MACROD2: variants seen among roughly 807,000 people sequenced by gnomAD.
The protein encoded by MACROD2 is ADP-ribose glycohydrolase MACROD2.
A neutral mutation model predicts 70.4 loss-of-function variants in MACROD2; 36 were observed. The ratio of observed to expected loss-of-function variants is 0.51; its 90% CI spans 0.39 to 0.68. The LOEUF (loss-of-function observed/expected upper bound fraction) is 0.68. MACROD2 is among the 30% of genes least tolerant of loss of function. The pLI is 0.00. For missense variants in MACROD2, 496 were observed against 538.4 expected (o/e 0.92, Z 0.78); for synonymous variants, 172 against 178.8 (o/e 0.96, Z 0.30).
At chr20:14,469,733 TATC>T (rs1464116650) in intron 3 of MACROD2, among the ~76,000 whole-genome samples, 3 of 151,926 alleles carry the variant, frequency 2.0e-5, no homozygotes, top group Admixed American at 6.6e-5. Flanking sequence ...ATTGATAAGG[TATC>T]ATGCTTCACG....
At chr20:14,622,261 T>C (rs1399220747) in intron 4 of MACROD2, among the ~76,000 whole-genome samples, 2 of 152,092 alleles carry the variant, frequency 1.3e-5, no homozygotes, top group African/African-American at 4.8e-5. Flanking sequence ...AAGAAGTCCA[T>C]ATGCACTTTC....
intron 8 of MACROD2, among the ~76,000 whole-genome samples, chr20:15,832,317 T>C (rs1252556741): frequency 6.6e-6 from 1 of 152,200 alleles, no homozygotes; most frequent in Non-Finnish European, 1.5e-5. Flanking sequence ...TACTGTGATA[T>C]GCTGCCCAGA....
chr20:14,554,174 A>C (rs1978861366), intron 4 of MACROD2, among the ~76,000 whole-genome samples: 1 of 152,074 alleles, frequency 6.6e-6, no homozygotes, highest in Admixed American at 6.6e-5. Flanking sequence ...TCCTTTCTCA[A>C]AGGTTGCCTA....
intron 15 of MACROD2, among the ~76,000 whole-genome samples, chr20:16,015,730 C>T (rs376329274): frequency 7.9e-5 from 12 of 152,042 alleles, no homozygotes; most frequent in Middle Eastern, 3.4e-3. Flanking sequence ...GTTGACTAAA[C>T]TTTTTTGTTA....
intron 4 of MACROD2, among the ~76,000 whole-genome samples, chr20:14,529,747 TC>T (rs1257734149): frequency 6.6e-6 from 1 of 152,184 alleles, no homozygotes; most frequent in Non-Finnish European, 1.5e-5. Context: ...AGGGGCTAGG[TC>T]ATGTCTTTTT....
At chr20:15,438,442 T>G (rs1053997540) in intron 7 of MACROD2, among the ~76,000 whole-genome samples, 2 of 152,158 alleles carry the variant, frequency 1.3e-5, no homozygotes, top group Non-Finnish European at 2.9e-5. Context: ...TGCATTGAGC[T>G]TTTTTTCATT....
chr20:14,876,121 C>A (rs1271018986), intron 5 of MACROD2, among the ~76,000 whole-genome samples: 1 of 152,138 alleles, frequency 6.6e-6, no homozygotes. Flanking sequence ...TTCTCCACAG[C>A]CTCACCAACT....
chr20:14,896,203 G>A (rs2073826979), intron 5 of MACROD2, among the ~76,000 whole-genome samples: 1 of 152,072 alleles, frequency 6.6e-6, no homozygotes, highest in East Asian at 1.9e-4. Context: ...GCTGAGGCAG[G>A]ACAATTGCTT....
At chr20:14,632,308 CAT>C (rs1364282728) in intron 4 of MACROD2, among the ~76,000 whole-genome samples, 1 of 151,980 alleles carries the variant, frequency 6.6e-6, no homozygotes, top group East Asian at 1.9e-4. Context: ...AAGTTAGAAA[CAT>C]GTAAGGAAAT....
intron 3 of MACROD2, among the ~76,000 whole-genome samples, chr20:14,335,095 A>G (rs1034882926): frequency 6.6e-6 from 1 of 152,202 alleles, no homozygotes; most frequent in African/African-American, 2.4e-5. Flanking sequence ...TGATTTTTGT[A>G]GGGCTTAAAA....
At chr20:15,292,321 A>G (rs1032110616) in intron 6 of MACROD2, among the ~76,000 whole-genome samples, 2 of 152,176 alleles carry the variant, frequency 1.3e-5, no homozygotes, top group Admixed American at 1.3e-4. Context: ...ATTAATGGCC[A>G]CTCATGCAGT....
intron 8 of MACROD2, among the ~76,000 whole-genome samples, chr20:15,787,237 G>T (rs773496100): frequency 1.3e-5 from 2 of 152,194 alleles, no homozygotes; most frequent in Non-Finnish European, 2.9e-5. Flanking sequence ...CTCCCAAAGT[G>T]CTGGGATTAC....
chr20:15,431,276 T>A (rs1027274998), intron 6 of MACROD2, 129 bp from the exon 7 acceptor site: 2 of 763,670 alleles, frequency 2.6e-6, no homozygotes, highest in Non-Finnish European at 4.4e-6. Context: ...TGTCCCCTAC[T>A]CCAACTCATA....
At chr20:15,378,283 G>GA (rs11087133) in intron 6 of MACROD2, among the ~76,000 whole-genome samples, 5,183 of 87,392 alleles carry the variant, frequency 0.059, 206 homozygotes, top group East Asian at 0.2. Flanking sequence ...CAATAAAATT[G>GA]AAAAAAAAAA....
chr20:14,509,584 C>T (rs886512941), intron 4 of MACROD2, among the ~76,000 whole-genome samples: 1 of 151,884 alleles, frequency 6.6e-6, no homozygotes, highest in African/African-American at 2.4e-5. Context: ...CCATTTCATA[C>T]CAGCTGTTTG....
chr20:15,366,449 C>A (rs1201974401), intron 6 of MACROD2, among the ~76,000 whole-genome samples: 2 of 152,148 alleles, frequency 1.3e-5, no homozygotes, highest in East Asian at 3.8e-4. Flanking sequence ...GAAAAGAAAT[C>A]AAAATCATCC....
At chr20:14,065,115 G>A (rs1039121480) in intron 2 of MACROD2, among the ~76,000 whole-genome samples, 2 of 152,130 alleles carry the variant, frequency 1.3e-5, no homozygotes, top group African/African-American at 2.4e-5. Context: ...TTTGAATTTG[G>A]CTGGACTCCT....
intron 5 of MACROD2, among the ~76,000 whole-genome samples, chr20:14,876,333 A>G (rs1233885164): frequency 6.6e-6 from 1 of 151,858 alleles, no homozygotes; most frequent in Non-Finnish European, 1.5e-5. Context: ...TTGCCTGTTC[A>G]GTTGTTTAAG....
chr20:14,597,955 TGTGA>T (rs1395633270), intron 4 of MACROD2, among the ~76,000 whole-genome samples: 1 of 152,162 alleles, frequency 6.6e-6, no homozygotes, highest in Non-Finnish European at 1.5e-5. Flanking sequence ...TTTGTTCAAC[TGTGA>T]GTAATTAAAA....
Sources: gnomAD v4.1 joint callset for allele counts (sites outside exome capture counted in the v4.1 genomes callset) on GRCh38, gnomAD v4.1.1 for gene constraint, MANE v1.5 for transcripts, NCBI Gene and HGNC (gene_info 2026-07-23, HGNC 2026-07-21) for gene names.